MMP2: variants seen among roughly 807,000 people sequenced by gnomAD.
MMP2 encodes the protein 72 kDa type IV collagenase.
A neutral mutation model predicts 74.8 loss-of-function variants in MMP2; 39 were observed. The observed-to-expected ratio is 0.52, with a 90% CI of 0.40 to 0.68. The LOEUF (loss-of-function observed/expected upper bound fraction) is 0.68. MMP2 is among the 30% of genes least tolerant of loss of function. The probability of loss-of-function intolerance (pLI) is 0.00; values close to 1 mark genes in which losing one functional copy is unlikely to be tolerated. For missense variants in MMP2, 803 were observed against 878.3 expected, an observed-to-expected ratio of 0.91 and a Z score of 1.08; for synonymous variants, 367 against 339.8, an observed-to-expected ratio of 1.08 and a Z score of -0.88.
rs151129007 is a variant in MMP2, at chr16:55,481,799, A to G, written c.154-1110A>G. The G allele has an allele frequency of 4.6e-4, 338 of 730,790 alleles. 2 individuals carry two copies. The East Asian group carries it at 8.6e-3, about 18-fold the overall frequency. 45.3% of individuals were successfully genotyped at this position (730,790 alleles called of 1,614,324 possible). On this transcript the variant is annotated intron_variant, in intron 1 of 12. Coordinates refer to ENST00000219070, the MANE Select transcript of MMP2 (RefSeq NM_004530.6). ...GATGATGTTAGGCAAGTGACTTCTC[A>G]GTTTCTTCATCTGCAAACTGGGAAA...
chr16:55,502,004 C>T (rs1210318960), intron 11 of MMP2, among the ~76,000 whole-genome samples: 1 of 152,136 alleles, frequency 6.6e-6, no homozygotes, highest in Non-Finnish European at 1.5e-5. Flanking sequence ...GGATTGCTAG[C>T]CAGGGAGAAG....
Position 55,488,532 on chromosome 16 carries a change from C to T in MMP2, c.833-11C>T, listed in dbSNP as rs374326560. On this transcript the variant is annotated splice_polypyrimidine_tract_variant and intron_variant, in intron 5 of 12. Transcript: ENST00000219070. The stretch of plus-strand genomic sequence containing the variant: ...CTCATTCACATCCTTCCCTCTCTCC[C>T]CCACCCTTAGCCCTGTTCACCATGG... 48 of 1,613,024 alleles carry T rather than the reference C, an allele frequency of 3.0e-5. No individual in the cohort carries two copies. The highest frequency in any genetic ancestry group is 1.6e-4 in the Middle Eastern group (1 of 6,082).
intron 1 of MMP2, among the ~76,000 whole-genome samples, chr16:55,482,635 A>G (rs759363577): frequency 7.2e-5 from 11 of 152,180 alleles, no homozygotes; most frequent in Non-Finnish European, 1.5e-4. Flanking sequence ...AAATGAGTTA[A>G]CATATTCTGA....
At position 55,482,910 on chromosome 16, in the gene MMP2, A is replaced by C; in HGVS notation, c.155A>C (p.Gln52Pro). The C allele has an allele frequency of 6.2e-7, 1 of 1,613,736 alleles. No individual in the cohort carries two copies. The highest frequency in any genetic ancestry group is 8.5e-7 in the Non-Finnish European group (1 of 1,179,612). ...APKTDKELAV[Q>P]YLNTFYGCPK... is the part of the protein sequence containing the mutation. ...CTTGGGGGTGTGCATTTCTTTCAGC[A>C]ATACCTGAACACCTTCTATGGCTGC... Residue 52 changes from glutamine to proline, a missense_variant and splice_region_variant, in exon 2 of 13, where the codon CAA becomes CCA. By Grantham distance (76) the Gln-to-Pro change is moderately conservative. Coordinates refer to ENST00000219070, the MANE Select transcript of MMP2 (RefSeq NM_004530.6).
At chr16:55,495,959 GT>G (rs1567379874) in intron 9 of MMP2, among the ~76,000 whole-genome samples, 1 of 152,216 alleles carries the variant, frequency 6.6e-6, no homozygotes, top group African/African-American at 2.4e-5. Context: ...ACCCCCAGAT[GT>G]GAAATACAAG....
In MMP2 at chr16:55,485,632, T is replaced by C. The variant is rs1962226325; in HGVS notation, c.687T>C (p.Asp229=). Residue 229 remains aspartate (D), a synonymous_variant, in exon 5 of 13, where the codon GAT becomes GAC. Transcript: ENST00000219070. Reference sequence around the variant, plus strand: ...TCCGTGTGAAGTATGGGAACGCCGATGGGGAGTACTGCAAGTTCCCCTTCT... The same window carrying C: ...TCCGTGTGAAGTATGGGAACGCCGACGGGGAGTACTGCAAGTTCCCCTTCT... ...QVVRVKYGNA[D]GEYCKFPFLF... is the part of the protein sequence containing the mutation. 2.5e-6 allele frequency: 4 copies of C among 1,614,154 alleles called. No individual in the cohort carries two copies. The highest frequency in any genetic ancestry group is 3.4e-6 in the Non-Finnish European group (4 of 1,180,014).
rs1295011175 is a variant in MMP2, at chr16:55,489,781, C to A, written c.1137C>A (p.Ala379=). 1.2e-6 allele frequency: 2 copies of A among 1,614,154 alleles called. No homozygotes were observed. The highest frequency in any genetic ancestry group is 2.2e-5 in the East Asian group (1 of 44,856). ...SDGKMWCATT[A]NYDDDRKWGF... ...GAAAGATGTGGTGTGCGACCACAGC[C>A]AACTACGATGATGACCGCAAGTGGG... Residue 379 remains alanine (A), a synonymous_variant, in exon 7 of 13, where the codon GCC becomes GCA. Transcript: ENST00000219070.
At chr16:55,492,426 ATTATTTATTTAT>A (rs3996855) in intron 8 of MMP2, among the ~76,000 whole-genome samples, 3,056 of 143,470 alleles carry the variant, frequency 0.021, 87 homozygotes, top group African/African-American at 0.063. Context: ...CCTTAAGCCA[ATTATTTATTTAT>A]TTATTTATTT....
Position 55,502,907 on chromosome 16 carries a change from T to C in MMP2, c.1879+19T>C. ...GGCGGCGGTGAGCCACCCAGGACTG[T>C]CTCCGCTTTCTAGGACTCCCCGCCC... is the stretch of plus-strand genomic sequence containing the variant. On this transcript the variant is annotated intron_variant, in intron 12 of 12. Transcript: ENST00000219070. 6.3e-7 allele frequency: 1 copy of C among 1,597,858 alleles called. No individual in the cohort carries two copies. Among genetic ancestry groups the C allele is most frequent in the Non-Finnish European group, 8.6e-7 (1 of 1,167,062 alleles).
chr16:55,491,997 G>T (rs199541167), intron 8 of MMP2, 41 bp downstream of exon 8: 4 of 1,406,854 alleles, frequency 2.8e-6, no homozygotes, highest in East Asian at 2.5e-5. Context: ...GGGTGAGGAG[G>T]GGGGAGGTCA....
chr16:55,491,979 G>A (rs768874754), intron 8 of MMP2, 23 bp downstream of exon 8: 2 of 1,589,030 alleles, frequency 1.3e-6, no homozygotes, highest in Non-Finnish European at 1.7e-6. Flanking sequence ...GCGGGGGTTG[G>A]GGGTGGAGGG....
In MMP2 at chr16:55,484,099, C is replaced by T. The variant is rs756023538; in HGVS notation, c.464C>T (p.Thr155Ile). ...GCCTTCCAAGTCTGGAGCGATGTGA[C>T]CCCACTGCGGTTTTCTCGAATCCAT... The part of the protein sequence containing the change: ...ARAFQVWSDV[T>I]PLRFSRIHDG... Residue 155 changes from threonine (T) to isoleucine (I), a missense_variant, in exon 3 of 13, where the codon ACC becomes ATC. Around this residue, in one of 3 missense-constraint regions of MMP2, gnomAD observed 223 missense variants for 232.8 expected, o/e 0.96. Coordinates refer to ENST00000219070, the MANE Select transcript of MMP2 (RefSeq NM_004530.6). 3.1e-6 allele frequency: 5 copies of T among 1,614,194 alleles called. No homozygotes were observed. The highest frequency in any genetic ancestry group is 3.4e-6 in the Non-Finnish European group (4 of 1,180,036).
intron 11 of MMP2, among the ~76,000 whole-genome samples, chr16:55,502,037 G>A (rs747904855): frequency 1.1e-4 from 16 of 152,206 alleles, no homozygotes; most frequent in Non-Finnish European, 1.6e-4. Flanking sequence ...GATGCCCAAA[G>A]TATTTACCTG....
chr16:55,486,144 T>C (rs1342209414), intron 5 of MMP2, among the ~76,000 whole-genome samples: 1 of 152,160 alleles, frequency 6.6e-6, no homozygotes, highest in Non-Finnish European at 1.5e-5. Context: ...GTCTTTACAC[T>C]TCAGTCAAGA....
intron 10 of MMP2, among the ~76,000 whole-genome samples, chr16:55,497,576 A>G (rs1223185688): frequency 6.6e-6 from 1 of 152,242 alleles, no homozygotes; most frequent in Non-Finnish European, 1.5e-5. Flanking sequence ...ATTTTTTAAT[A>G]AATTTATTTT....
At chr16:55,486,347 C>CTGTGTG (rs57608135) in intron 5 of MMP2, among the ~76,000 whole-genome samples, 17,310 of 137,288 alleles carry the variant, frequency 0.13, 1,391 homozygotes, top group South Asian at 0.17. Context: ...GTGTGTGTGC[C>CTGTGTG]TGTGTGTGTG....
At chr16:55,504,415 G>A (rs1416066251) in intron 12 of MMP2, among the ~76,000 whole-genome samples, 1 of 152,142 alleles carries the variant, frequency 6.6e-6, no homozygotes. Flanking sequence ...CTTGTGTTAA[G>A]TGGAGTTATT....
intron 12 of MMP2, 85 bp downstream of exon 12, chr16:55,502,973 T>C: frequency 1.8e-6 from 2 of 1,097,250 alleles, no homozygotes; most frequent in Non-Finnish European, 2.7e-6. Context: ...CACTTCTTTA[T>C]TGTGCAGGGC....
At chr16:55,491,452 C>T (rs927821583) in intron 7 of MMP2, among the ~76,000 whole-genome samples, 1 of 152,046 alleles carries the variant, frequency 6.6e-6, no homozygotes, top group Non-Finnish European at 1.5e-5. Context: ...TATAGAGAGA[C>T]ATAAAAAGCC....
Sources: gnomAD v4.1 joint callset for allele counts (sites outside exome capture counted in the v4.1 genomes callset) on GRCh38, gnomAD v4.1.1 for gene constraint, gnomAD v4.1.1 regional missense constraint, MANE v1.5 for transcripts, NCBI Gene and HGNC (gene_info 2026-07-23, HGNC 2026-07-21) for gene names.